PFKP: variants seen among roughly 807,000 people sequenced by gnomAD.
The protein encoded by PFKP is ATP-dependent 6-phosphofructokinase, platelet type.
In PFKP, 101 loss-of-function variants were observed where a neutral mutation model predicts 94.3. That is an observed-to-expected ratio of 1.07 (90% confidence interval 0.91 to 1.26). The LOEUF (loss-of-function observed/expected upper bound fraction) is 1.26, where lower values mean the gene tolerates loss of function less well. PFKP is among the 50% of genes most tolerant of loss of function. The pLI is 0.00. For missense variants in PFKP, 1,145 were observed against 1,103.3 expected (o/e 1.04, Z -0.53); for synonymous variants, 573 against 432.6 (o/e 1.32, Z -4.03).
chr10:3,084,377 T>C (rs890321910), intron 2 of PFKP, among the ~76,000 whole-genome samples: 2 of 152,246 alleles, frequency 1.3e-5, no homozygotes, highest in Non-Finnish European at 2.9e-5. Flanking sequence ...GTTGCTACTA[T>C]TATTCTTTGC....
chr10:3,122,942 G>A (rs916591212), intron 16 of PFKP, among the ~76,000 whole-genome samples: 5 of 152,230 alleles, frequency 3.3e-5, no homozygotes, highest in Non-Finnish European at 5.9e-5. Context: ...TCCATAATAG[G>A]AGTCTGGCTC....
At chr10:3,082,827 T>G (rs1833194205) in intron 2 of PFKP, among the ~76,000 whole-genome samples, 1 of 152,194 alleles carries the variant, frequency 6.6e-6, no homozygotes, top group Non-Finnish European at 1.5e-5. Context: ...ATTTTCTGCC[T>G]CAGTCTCATG....
In PFKP at chr10:3,112,075, G is replaced by T. The variant is rs2306299; in HGVS notation, c.1090-147G>T. The T allele has an allele frequency of 3.1e-5, 21 of 680,828 alleles. No individual in the cohort carries two copies. The South Asian group carries it at 3.5e-4, about 11-fold the overall frequency. The allele number at this position is 680,828 out of a possible 1,614,324, so 42.2% of individuals were successfully genotyped here. On this transcript the variant is annotated intron_variant, in intron 10 of 21. Transcript: ENST00000381125. ...ATTAGGACACACTTGGCGGCCGGTC[G>T]TCTAGACCATTAACCCTGGGGCTGC...
intron 1 of PFKP, among the ~76,000 whole-genome samples, chr10:3,079,956 G>A (rs1410594850): frequency 6.6e-6 from 1 of 152,050 alleles, no homozygotes. Flanking sequence ...CAGGTGGGAG[G>A]CTCTGTCCTG....
chr10:3,104,032 C>A, intron 5 of PFKP, 88 bp downstream of exon 5: 1 of 1,239,054 alleles, frequency 8.1e-7, no homozygotes, highest in Non-Finnish European at 1.1e-6. Context: ...GAACATTCTG[C>A]AGATTGGGTG....
At chr10:3,081,677 G>A (rs533724153) in intron 1 of PFKP, among the ~76,000 whole-genome samples, 65 of 152,296 alleles carry the variant, frequency 4.3e-4, no homozygotes, top group Middle Eastern at 6.8e-3. Context: ...CAAATCCAGC[G>A]GCAGTGGAGA....
chr10:3,071,595 CTG>C (rs1288306388), intron 1 of PFKP, among the ~76,000 whole-genome samples: 1 of 152,172 alleles, frequency 6.6e-6, no homozygotes, highest in African/African-American at 2.4e-5. Context: ...CCACAGAACA[CTG>C]TGCCACACAC....
Position 3,118,866 on chromosome 10 carries a change from C to G in PFKP, c.1527C>G (p.Phe509Leu), listed in dbSNP as rs775347049. Residue 509 changes from phenylalanine to leucine, a missense_variant, in exon 15 of 22, where the codon TTC becomes TTG. Transcript: ENST00000381125. ...SINALLIIGG[F>L]EAYLGLLELS... ...ACGCGCTGCTGATCATCGGTGGATT[C>G]GAGGTACGTTACCGTTTCTCTCTTG... 1 of 1,610,662 alleles carries G rather than the reference C, an allele frequency of 6.2e-7. No homozygotes were observed. The highest frequency in any genetic ancestry group is 8.5e-7 in the Non-Finnish European group (1 of 1,177,328).
chr10:3,102,079 G>A (rs913859797), intron 4 of PFKP, among the ~76,000 whole-genome samples: 32 of 150,366 alleles, frequency 2.1e-4, no homozygotes, highest in South Asian at 4.2e-4. Context: ...GTGAAACCCC[G>A]TCTCTACTAA....
chr10:3,129,555 G>A (rs1564351897), intron 16 of PFKP: 20 of 476,210 alleles, frequency 4.2e-5, no homozygotes, highest in Non-Finnish European at 4.9e-5. Context: ...CTGGGAGAAG[G>A]GAGCGGCAGA....
Position 3,119,945 on chromosome 10 carries a change from C to T in PFKP, c.1584C>T (p.Phe528=). The part of the protein sequence containing the change: ...LSAAREKHEE[F]CVPMVMVPAT... ...CCGCCCGGGAGAAGCACGAGGAGTT[C>T]TGTGTCCCCATGGTCATGGTTCCCG... Residue 528 remains phenylalanine (F), a synonymous_variant, in exon 16 of 22, where the codon TTC becomes TTT. Transcript: ENST00000381125. The T allele has an allele frequency of 6.2e-7, 1 of 1,614,154 alleles. No homozygotes were observed. The highest frequency in any genetic ancestry group is 8.5e-7 in the Non-Finnish European group (1 of 1,180,002).
chr10:3,115,352 CTGGAGTGAAGGTGTGTGTCCCG>C (rs1836696057), intron 13 of PFKP, among the ~76,000 whole-genome samples: 4 of 78,874 alleles, frequency 5.1e-5, no homozygotes, highest in Admixed American at 4.9e-4. Context: ...ACTGGGGATG[CTGGAGTGAAGGTGTGTGTCCCG>C]CAGCTGAGAA....
intron 14 of PFKP, 118 bp downstream of exon 14, chr10:3,116,964 G>A (rs1836895543): frequency 1.2e-6 from 1 of 813,036 alleles, no homozygotes; most frequent in Non-Finnish European, 2.2e-6. Flanking sequence ...GTCCCTAAGG[G>A]AGGGGTGCAG....
intron 14 of PFKP, 72 bp from the exon 15 acceptor site, chr10:3,118,710 A>T: frequency 9.7e-7 from 1 of 1,035,678 alleles, no homozygotes; most frequent in East Asian, 2.5e-5. Flanking sequence ...CCGGGTGGGG[A>T]CCGGCGTGGC....
At chr10:3,087,148 G>T (rs963072502) in intron 2 of PFKP, among the ~76,000 whole-genome samples, 6 of 152,118 alleles carry the variant, frequency 3.9e-5, no homozygotes, top group Admixed American at 3.9e-4. Context: ...TGGTAGAGAC[G>T]GGGTTTCAAC....
intron 1 of PFKP, chr10:3,068,793 G>T: frequency 2.9e-6 from 2 of 688,172 alleles, no homozygotes; most frequent in South Asian, 1.3e-4. Context: ...TAGCGATCGC[G>T]CAGGCTGGAG....
rs984831159 is a variant in PFKP, at chr10:3,068,565, G to C, written c.112+858G>C. 8.3e-6 allele frequency: 5 copies of C among 601,128 alleles called. No individual in the cohort carries two copies. In the African/African-American group the frequency reaches 1.0e-4, roughly 12 times the overall value. 37.2% of individuals were successfully genotyped at this position (601,128 alleles called of 1,614,324 possible). On this transcript the variant is annotated intron_variant, in intron 1 of 21. Transcript: ENST00000381125. ...TCCGGGCTTCCCTGCCCTGCAATGT[G>C]GAAGCTGCTCTCTAGGAGGGGCCCG...
At chr10:3,093,720 T>C (rs893873558) in intron 2 of PFKP, among the ~76,000 whole-genome samples, 1 of 139,892 alleles carries the variant, frequency 7.1e-6, no homozygotes, top group East Asian at 2.1e-4. Context: ...CTCAGCTCAC[T>C]GCAAGCTCCG....
At position 3,105,171 on chromosome 10, in the gene PFKP, C is replaced by T. The variant is rs181752330; in HGVS notation, c.665+12C>T. Reference sequence around the variant, plus strand: ...GGACGACACTGTGGGTACGTACCTGCGGTGGGTCCGGTGGACGCGGTTCAG... The same window carrying T: ...GGACGACACTGTGGGTACGTACCTGTGGTGGGTCCGGTGGACGCGGTTCAG... On this transcript the variant is annotated intron_variant, in intron 6 of 21. Coordinates refer to ENST00000381125, the MANE Select transcript of PFKP (RefSeq NM_002627.5). 133 of 1,611,478 alleles carry T rather than the reference C, an allele frequency of 8.3e-5. No individual in the cohort carries two copies. In the East Asian group the frequency reaches 1.0e-3, roughly 12 times the overall value.
Sources: allele counts gnomAD v4.1 joint callset (sites outside exome capture counted in the v4.1 genomes callset), GRCh38; gene constraint gnomAD v4.1.1; transcripts MANE v1.5; gene names NCBI Gene and HGNC (gene_info 2026-07-23, HGNC 2026-07-21).